NRG2: variants seen among roughly 807,000 people sequenced by gnomAD.
NRG2 encodes pro-neuregulin-2, membrane-bound isoform.
In NRG2, 27 loss-of-function variants were observed where a neutral mutation model predicts 73.9. The ratio of observed to expected loss-of-function variants is 0.37; its 90% confidence interval spans 0.27 to 0.50. The LOEUF is 0.50. Ranked by LOEUF, NRG2 falls within the 20% of genes least tolerant of loss-of-function variation. NRG2 has a pLI of 0.96. For synonymous variants in NRG2, 532 were observed against 541.0 expected (o/e 0.98, Z 0.23); for missense variants, 1,126 against 1,210.1 (o/e 0.93, Z 1.03).
chr5:139,952,166 C>G (rs1754254867), intron 1 of NRG2, among the ~76,000 whole-genome samples: 1 of 152,222 alleles, frequency 6.6e-6, no homozygotes, highest in Non-Finnish European at 1.5e-5. Context: ...TGCTCAGTGC[C>G]TGACACATAG....
chr5:139,903,060 C>T (rs1397590696), intron 1 of NRG2, among the ~76,000 whole-genome samples: 2 of 152,212 alleles, frequency 1.3e-5, no homozygotes, highest in Non-Finnish European at 2.9e-5. Context: ...CTTGCTACCC[C>T]TTCCCTATCA....
At chr5:139,878,816 T>C (rs1397289431) in intron 3 of NRG2, among the ~76,000 whole-genome samples, 1 of 152,038 alleles carries the variant, frequency 6.6e-6, no homozygotes, top group African/African-American at 2.4e-5. Flanking sequence ...ATGAGAGAAG[T>C]AGGAGCTCAG....
chr5:140,006,902 C>T (rs1166267553), intron 1 of NRG2, among the ~76,000 whole-genome samples: 1 of 152,108 alleles, frequency 6.6e-6, no homozygotes, highest in Non-Finnish European at 1.5e-5. Flanking sequence ...TAGGGTCTTC[C>T]GTGAGTCAGA....
intron 1 of NRG2, among the ~76,000 whole-genome samples, chr5:140,036,420 C>T (rs1761511904): frequency 6.6e-6 from 1 of 152,174 alleles, no homozygotes; most frequent in Non-Finnish European, 1.5e-5. Context: ...ATGTGTGCTT[C>T]AGTTCTTACA....
In NRG2 at chr5:139,852,661, G is replaced by A; in HGVS notation, c.1417-102C>T. On this transcript the variant is annotated intron_variant, in intron 7 of 9. Transcript: ENST00000361474. The surrounding 1 kb of genome is among the most constrained non-coding windows in gnomAD (Gnocchi z 4.4). ...ATGAGCACTGACTGAGCTCCTGGTTGGGGAGACCCACTGTGTGAGAGTGAC... is the reference window on the plus strand; with the variant it reads ...ATGAGCACTGACTGAGCTCCTGGTTAGGGAGACCCACTGTGTGAGAGTGAC... 6.6e-7 allele frequency: 1 copy of A among 1,522,674 alleles called. No individual in the cohort carries two copies. Among genetic ancestry groups the A allele is most frequent in the Non-Finnish European group, 8.9e-7 (1 of 1,121,900 alleles). 94.3% of individuals were successfully genotyped at this position (1,522,674 alleles called of 1,614,324 possible).
At chr5:139,917,630 T>A (rs1751357643) in intron 1 of NRG2, among the ~76,000 whole-genome samples, 1 of 152,202 alleles carries the variant, frequency 6.6e-6, no homozygotes, top group South Asian at 2.1e-4. Flanking sequence ...GCCATTTGTA[T>A]GTCTTCTTTG....
chr5:139,906,032 T>C (rs1341737532), intron 1 of NRG2, among the ~76,000 whole-genome samples: 1 of 152,056 alleles, frequency 6.6e-6, no homozygotes, highest in Non-Finnish European at 1.5e-5. Flanking sequence ...TTTTGAGATG[T>C]AGTCTCACTC....
rs62383912 is a variant in NRG2 at position 139,989,990 on chromosome 5, A to C, written c.700+52380T>G. Among the ~76,000 whole-genome samples the C allele has an allele frequency of 4.5e-3, 669 of 148,328 alleles. 7 individuals are homozygous for C. The highest frequency in any genetic ancestry group is 0.011 in the Admixed American group (168 of 15,066). On this transcript the variant is annotated intron_variant, in intron 1 of 9. Transcript: ENST00000361474. ...TTTTTAGTAGAGACGGGGTTTCACC[A>C]TGTTAGCCAGGATGGTCTTGATCTC... is the stretch of plus-strand genomic sequence containing the variant.
At chr5:139,996,467 G>C (rs546055708) in intron 1 of NRG2, among the ~76,000 whole-genome samples, 1 of 152,232 alleles carries the variant, frequency 6.6e-6, no homozygotes, top group South Asian at 2.1e-4. Context: ...CTTGTCCCCA[G>C]GATCCTTAAA....
intron 1 of NRG2, among the ~76,000 whole-genome samples, chr5:139,934,010 A>G (rs949992402): frequency 1.3e-5 from 2 of 152,128 alleles, no homozygotes; most frequent in Non-Finnish European, 2.9e-5. Flanking sequence ...ATCAGCCTGG[A>G]AAACATGGAG....
chr5:139,952,352 GAAGAGGAA>G (rs1267722447), intron 1 of NRG2, among the ~76,000 whole-genome samples: 1 of 152,166 alleles, frequency 6.6e-6, no homozygotes, highest in East Asian at 1.9e-4. Flanking sequence ...CTGAAGGTGG[GAAGAGGAA>G]AAGAGGAAAA....
At chr5:139,858,649 C>T (rs996367954) in intron 5 of NRG2, among the ~76,000 whole-genome samples, 14 of 152,292 alleles carry the variant, frequency 9.2e-5, no homozygotes, top group Middle Eastern at 3.4e-3. Flanking sequence ...CTCATCTCCA[C>T]GCCCTCACAG....
At chr5:140,038,015 C>T (rs1043967079) in intron 1 of NRG2, among the ~76,000 whole-genome samples, 2 of 150,964 alleles carry the variant, frequency 1.3e-5, no homozygotes, top group African/African-American at 4.9e-5. Flanking sequence ...AGCCTTAAAG[C>T]GGGGTAGCTG....
chr5:139,902,679 A>C (rs1035620035), intron 1 of NRG2, among the ~76,000 whole-genome samples: 1 of 152,060 alleles, frequency 6.6e-6, no homozygotes, highest in Non-Finnish European at 1.5e-5. Flanking sequence ...TACCCTTCCA[A>C]AATGCCCAAG....
chr5:139,861,574 C>T (rs1442729999), intron 5 of NRG2, among the ~76,000 whole-genome samples: 3 of 152,222 alleles, frequency 2.0e-5, no homozygotes, highest in Non-Finnish European at 4.4e-5. Flanking sequence ...CAGACACAAG[C>T]CATTCTTGTA....
chr5:139,983,415 G>A (rs779076738), intron 1 of NRG2, among the ~76,000 whole-genome samples: 1 of 152,202 alleles, frequency 6.6e-6, no homozygotes, highest in Non-Finnish European at 1.5e-5. Context: ...AAGGGAAGGC[G>A]GGCCCATCTG....
Position 140,008,546 on chromosome 5 carries a change from A to G in NRG2, c.700+33824T>C, listed in dbSNP as rs1759090854. Among the ~76,000 whole-genome samples, 1 of 152,204 alleles carries G rather than the reference A, an allele frequency of 6.6e-6. No individual in the cohort carries two copies. Among genetic ancestry groups the G allele is most frequent in the Non-Finnish European group, 1.5e-5 (1 of 68,022 alleles). ...GTTTCCCTACAGTGAGCTCATCTTT[A>G]CCTGAGCTAGCTTGGGAGATTCTAA... On this transcript the variant is annotated intron_variant, in intron 1 of 9. Transcript: ENST00000361474. The surrounding 1 kb of genome is among the most constrained non-coding windows in gnomAD (Gnocchi z 4.2).
intron 1 of NRG2, among the ~76,000 whole-genome samples, chr5:139,916,399 A>G (rs1294494635): frequency 6.6e-6 from 1 of 152,216 alleles, no homozygotes; most frequent in Non-Finnish European, 1.5e-5. Context: ...GTTAATTGGG[A>G]TATAATTCAC....
At chr5:139,991,885 A>C (rs945449633) in intron 1 of NRG2, among the ~76,000 whole-genome samples, 1 of 152,122 alleles carries the variant, frequency 6.6e-6, no homozygotes, top group Non-Finnish European at 1.5e-5. Context: ...GCAGTTTCTG[A>C]GCTTTCTAAT....
Sources: allele counts gnomAD v4.1 joint callset (sites outside exome capture counted in the v4.1 genomes callset), GRCh38; gene constraint gnomAD v4.1.1; non-coding constraint Gnocchi (gnomAD v3.1); transcripts MANE v1.5; gene names NCBI Gene and HGNC (gene_info 2026-07-23, HGNC 2026-07-21).